The following HIRA variants were observed in gnomAD, a reference collection of about 807,000 sequenced individuals.
HIRA encodes protein HIRA.
A neutral mutation model predicts 126.6 loss-of-function variants in HIRA; 13 were observed. The ratio of observed to expected loss-of-function variants is 0.10; its 90% confidence interval spans 0.07 to 0.16. HIRA has a LOEUF of 0.16. HIRA is among the 10% of genes least tolerant of loss of function. The probability of loss-of-function intolerance (pLI) is 1.00; values close to 1 mark genes in which losing one functional copy is unlikely to be tolerated. For synonymous variants in HIRA, 511 were observed against 520.0 expected, an observed-to-expected ratio of 0.98 and a Z score of 0.24; for missense variants, 834 against 1,314.4, an observed-to-expected ratio of 0.63 and a Z score of 5.65.
intron 15 of HIRA, among the ~76,000 whole-genome samples, chr22:19,366,459 G>A (rs1249969425): frequency 1.3e-5 from 2 of 152,216 alleles, no homozygotes; most frequent in East Asian, 3.8e-4. Context: ...ATGTCATTAA[G>A]AACATCAGTG....
rs1359270036 is a variant in HIRA at position 19,353,340 on chromosome 22, C to T, written c.2848+16G>A. On this transcript the variant is annotated intron_variant, in intron 23 of 24. Coordinates refer to ENST00000263208, the MANE Select transcript of HIRA (RefSeq NM_003325.4). ...GGCAGAAGGAGAAGGCTGCTCAGGG[C>T]TGCCAGGAGCCTCACCTTCGTTTAC... The T allele has an allele frequency of 3.1e-6, 5 of 1,612,216 alleles. No homozygotes were observed. The Admixed American group carries it at 8.3e-5, about 27-fold the overall frequency.
At chr22:19,339,046 G>C (rs2088597821) in intron 24 of HIRA, among the ~76,000 whole-genome samples, 1 of 152,170 alleles carries the variant, frequency 6.6e-6, no homozygotes, top group South Asian at 2.1e-4. Context: ...AAGACCATAT[G>C]ATAGGCCACA....
chr22:19,388,957 C>T (rs1014014858), intron 9 of HIRA, among the ~76,000 whole-genome samples: 2 of 152,062 alleles, frequency 1.3e-5, no homozygotes, highest in African/African-American at 2.4e-5. Context: ...GATGAGGCAC[C>T]CTGAGAGAGA....
chr22:19,374,218 C>T (rs1052258702), intron 15 of HIRA, among the ~76,000 whole-genome samples: 1 of 152,102 alleles, frequency 6.6e-6, no homozygotes, highest in African/African-American at 2.4e-5. Context: ...CCAGTAATCC[C>T]AGCTACTTGG....
intron 13 of HIRA, among the ~76,000 whole-genome samples, chr22:19,381,831 A>G (rs2089075966): frequency 6.6e-6 from 1 of 152,246 alleles, no homozygotes; most frequent in Non-Finnish European, 1.5e-5. Context: ...TTAAAATGGT[A>G]TTAACAGTTA....
At chr22:19,374,333 G>T (rs946862395) in intron 15 of HIRA, among the ~76,000 whole-genome samples, 4 of 151,906 alleles carry the variant, frequency 2.6e-5, no homozygotes. Flanking sequence ...AATTTTTCTG[G>T]TAGAGATACG....
intron 1 of HIRA, among the ~76,000 whole-genome samples, chr22:19,424,300 A>G (rs2146259548): frequency 6.6e-6 from 1 of 152,370 alleles, no homozygotes; most frequent in African/African-American, 2.4e-5. Flanking sequence ...CACATGACCT[A>G]GTTGGACCAA....
intron 5 of HIRA, among the ~76,000 whole-genome samples, chr22:19,405,025 T>G (rs975498603): frequency 6.6e-6 from 1 of 152,188 alleles, no homozygotes; most frequent in Non-Finnish European, 1.5e-5. Context: ...ATCTCTTCCA[T>G]GACAAGGGAC....
rs139851885 is a variant in HIRA at position 19,367,969 on chromosome 22, G to C, written c.1776-6038C>G. On this transcript the variant is annotated intron_variant, in intron 15 of 24. Coordinates refer to ENST00000263208, the MANE Select transcript of HIRA (RefSeq NM_003325.4). ...TCAACACCTCTCTTTTGAAGAAGTTGGTAAATGTTTCTCATAATGCTGTGT... is the reference window on the plus strand; with the variant it reads ...TCAACACCTCTCTTTTGAAGAAGTTCGTAAATGTTTCTCATAATGCTGTGT... 3.2e-3 allele frequency among the ~76,000 whole-genome samples: 487 copies of C among 152,194 alleles called. 5 individuals are homozygous for C. The highest frequency in any genetic ancestry group is 0.011 in the African/African-American group (471 of 41,504).
At chr22:19,359,529 C>A (rs778007150) in intron 17 of HIRA, 45 bp from the exon 18 acceptor site, 14 of 1,503,848 alleles carry the variant, frequency 9.3e-6, no homozygotes, top group Non-Finnish European at 1.2e-5. Context: ...AGGGCCGCAG[C>A]CCAGGTGACA....
intron 15 of HIRA, among the ~76,000 whole-genome samples, chr22:19,374,542 T>G (rs544233724): frequency 6.6e-6 from 1 of 152,156 alleles, no homozygotes; most frequent in Non-Finnish European, 1.5e-5. Flanking sequence ...AGCATCAAAC[T>G]TGCAGAAAGG....
chr22:19,344,940 T>C (rs1410456148), intron 24 of HIRA, among the ~76,000 whole-genome samples: 1 of 152,192 alleles, frequency 6.6e-6, no homozygotes, highest in Non-Finnish European at 1.5e-5. Flanking sequence ...CATTCTTTCT[T>C]GATAAAAGCA....
At chr22:19,353,659 G>T in intron 22 of HIRA, 140 bp from the exon 23 acceptor site, 1 of 855,368 alleles carries the variant, frequency 1.2e-6, no homozygotes. Flanking sequence ...TAGCCAGTCT[G>T]TTGGCAGATG....
At chr22:19,348,610 C>T (rs991353856) in intron 24 of HIRA, among the ~76,000 whole-genome samples, 1 of 151,990 alleles carries the variant, frequency 6.6e-6, no homozygotes, top group African/African-American at 2.4e-5. Flanking sequence ...ATTCTCCTGC[C>T]TCAGCCTCCC....
rs1412918849 is a variant in HIRA, at chr22:19,359,399, T to C, written c.2171A>G (p.Asn724Ser). The change falls in exon 18 of 25, where the codon AAC becomes AGC. Residue 724 changes from asparagine (N) to serine (S), a missense_variant. Asn to Ser is a conservative substitution (Grantham distance 46). This residue lies in a region of HIRA where 468 missense variants were observed against 574.2 expected (regional missense o/e 0.82). Coordinates refer to ENST00000263208, the MANE Select transcript of HIRA (RefSeq NM_003325.4). ...CGTCTCCCACTCCTTCCCTTCCCGG[T>C]TGCACTTCAGGCGGCTCAGCTTCAC... ...GGVKLSRLKC[N>S]REGKEWETVL... is the part of the protein sequence containing the mutation. 6.2e-7 allele frequency: 1 copy of C among 1,610,536 alleles called. No individual in the cohort carries two copies. The highest frequency in any genetic ancestry group is 1.1e-5 in the South Asian group (1 of 90,132).
chr22:19,361,239 G>T lies in HIRA; in HGVS notation c.2083C>A (p.Gln695Lys). The change falls in exon 17 of 25, where the codon CAG (glutamine) becomes AAG (lysine). Residue 695 changes from glutamine to lysine, a missense_variant and splice_region_variant. Physicochemically the swap from Gln to Lys is moderately conservative, Grantham distance 53. Around this residue, in one of 5 missense-constraint regions of HIRA, gnomAD observed 468 missense variants for 574.2 expected, o/e 0.82. Coordinates refer to ENST00000263208, the MANE Select transcript of HIRA (RefSeq NM_003325.4). ...IPSPQRAFTL[Q>K]VSSDPSMYIE... ...ACTGGCAGGGTCCTAGAACTTACCT[G>T]GAGGGTGAATGCTCTCTGGGGGCTT... 6.2e-7 allele frequency: 1 copy of T among 1,613,374 alleles called. No individual in the cohort carries two copies. Among genetic ancestry groups the T allele is most frequent in the Non-Finnish European group, 8.5e-7 (1 of 1,179,262 alleles).
intron 2 of HIRA, among the ~76,000 whole-genome samples, chr22:19,409,168 T>C (rs750129110): frequency 1.4e-4 from 22 of 152,252 alleles, no homozygotes; most frequent in Non-Finnish European, 2.8e-4. Flanking sequence ...TTATCCACCC[T>C]TTGCAGTTAC....
chr22:19,418,192 A>G (rs2089414738), intron 1 of HIRA, among the ~76,000 whole-genome samples: 1 of 152,220 alleles, frequency 6.6e-6, no homozygotes, highest in Non-Finnish European at 1.5e-5. Flanking sequence ...ACTGAATTAC[A>G]TACTTAAAAA....
At position 19,356,982 on chromosome 22, in the gene HIRA, GA is replaced by G; in HGVS notation, c.2303del (p.Leu768ProfsTer41). On this transcript the variant is annotated frameshift_variant, in exon 19 of 25. Coordinates refer to ENST00000263208, the MANE Select transcript of HIRA (RefSeq NM_003325.4). LOFTEE classifies it high-confidence loss of function. ...SVFSTCGRRL[L>X]SPILLPSPIS... Reference sequence around the variant, plus strand: ...TCGGGGATGGCAGGAGGATGGGAGAGAGGAGACGGCGACCACAGGTGGAGAA... The same window carrying G: ...TCGGGGATGGCAGGAGGATGGGAGAGGGAGACGGCGACCACAGGTGGAGAA... 6.2e-7 allele frequency: 1 copy of G among 1,613,950 alleles called. No homozygotes were observed. Among genetic ancestry groups the G allele is most frequent in the Non-Finnish European group, 8.5e-7 (1 of 1,179,968 alleles).
Sources: gnomAD v4.1 joint callset for allele counts (sites outside exome capture counted in the v4.1 genomes callset) on GRCh38, gnomAD v4.1.1 for gene constraint, gnomAD v4.1.1 regional missense constraint, MANE v1.5 for transcripts, NCBI Gene and HGNC (gene_info 2026-07-23, HGNC 2026-07-21) for gene names.